Variants in MICU1 observed in about 807,000 individuals in gnomAD.
MICU1 encodes the protein mitochondrial calcium uptake 1, also known as calcium uptake protein 1, mitochondrial.
MICU1 carries 45 observed loss-of-function variants against 56.8 expected under a neutral mutation model. The observed-to-expected ratio is 0.79, with a 90% CI of 0.62 to 1.02. The LOEUF (loss-of-function observed/expected upper bound fraction) is 1.02. Among genes scored for constraint, MICU1 ranks in the 50% least tolerant of loss-of-function variants. The probability of loss-of-function intolerance (pLI) is 0.00; values close to 1 mark genes in which losing one functional copy is unlikely to be tolerated. For missense variants in MICU1, 504 were observed against 587.1 expected (o/e 0.86, Z 1.46); for synonymous variants, 186 against 195.1 (o/e 0.95, Z 0.39).
chr10:72,560,313 G>C (rs1840265080), intron 3 of MICU1: 1 of 152,144 alleles, frequency 6.6e-6, no homozygotes, highest in African/African-American at 2.4e-5. Context: ...GTCTACAGGA[G>C]GCATGAGGCA....
intron 9 of MICU1, among the ~76,000 whole-genome samples, chr10:72,410,454 T>C (rs750530468): frequency 2.6e-5 from 4 of 152,022 alleles, no homozygotes; most frequent in Admixed American, 6.6e-5. Flanking sequence ...CCATCTCTAC[T>C]AAAAATACAA....
intron 1 of MICU1, among the ~76,000 whole-genome samples, chr10:72,594,377 T>C (rs1018903485): frequency 6.6e-6 from 1 of 151,586 alleles, no homozygotes; most frequent in Non-Finnish European, 1.5e-5. Flanking sequence ...GAACCCTTAC[T>C]TAACACCACA....
At chr10:72,595,447 C>CAAAAAAAAAAAAAAAAAAAAAAAA (rs1255926638) in intron 1 of MICU1, among the ~76,000 whole-genome samples, 1 of 41,178 alleles carries the variant, frequency 2.4e-5, no homozygotes, top group Non-Finnish European at 5.1e-5. Flanking sequence ...GACTCTGTCT[C>CAAAAAAAAAAAAAAAAAAAAAAAA]AAAAAAAAAA....
chr10:72,509,169 C>T (rs1867358557), intron 5 of MICU1, among the ~76,000 whole-genome samples: 1 of 152,106 alleles, frequency 6.6e-6, no homozygotes, highest in African/African-American at 2.4e-5. Flanking sequence ...AGACTTGAAA[C>T]TAATTTCCAC....
chr10:72,617,628 T>G (rs1304444131), intron 1 of MICU1, among the ~76,000 whole-genome samples: 1 of 152,096 alleles, frequency 6.6e-6, no homozygotes, highest in African/African-American at 2.4e-5. Context: ...GGCCAGGAGT[T>G]TGAAACCAGC....
chr10:72,381,667 C>T (rs1382390934), intron 10 of MICU1, among the ~76,000 whole-genome samples: 5 of 152,110 alleles, frequency 3.3e-5, no homozygotes, highest in Admixed American at 2.0e-4. Context: ...GCTGCTAATC[C>T]TAGCTCCTAA....
At chr10:72,408,722 G>A (rs1863710004) in intron 9 of MICU1, among the ~76,000 whole-genome samples, 1 of 152,218 alleles carries the variant, frequency 6.6e-6, no homozygotes, top group African/African-American at 2.4e-5. Flanking sequence ...TAAAATCAGA[G>A]TCAGGACTTC....
At chr10:72,385,227 C>T (rs1009985910) in intron 10 of MICU1, among the ~76,000 whole-genome samples, 13 of 152,114 alleles carry the variant, frequency 8.5e-5, no homozygotes, top group Admixed American at 7.9e-4. Context: ...CAGTGGCTCA[C>T]GTCTATAAAT....
chr10:72,516,254 T>A (rs968383355), intron 5 of MICU1, among the ~76,000 whole-genome samples: 4 of 152,206 alleles, frequency 2.6e-5, no homozygotes, highest in South Asian at 2.1e-4. Flanking sequence ...AAGTGTCTGT[T>A]CATATCGTTC....
At chr10:72,610,635 T>C (rs190257930) in intron 1 of MICU1, among the ~76,000 whole-genome samples, 95 of 152,270 alleles carry the variant, frequency 6.2e-4, no homozygotes, top group Non-Finnish European at 4.6e-4. Context: ...TTGTGTGGCC[T>C]TCAGCAGAGG....
chr10:72,518,521 T>C (rs1176087538), intron 5 of MICU1, among the ~76,000 whole-genome samples: 3 of 152,102 alleles, frequency 2.0e-5, no homozygotes, highest in Non-Finnish European at 4.4e-5. Flanking sequence ...TTCAATTCTA[T>C]TGTAAGGGTA....
chr10:72,555,131 T>A (rs1840128679), intron 3 of MICU1, among the ~76,000 whole-genome samples: 1 of 152,184 alleles, frequency 6.6e-6, no homozygotes, highest in Admixed American at 6.5e-5. Context: ...AGTAAGAGTA[T>A]TTCAAAATGA....
chr10:72,613,036 G>GA (rs1485000932), intron 1 of MICU1, among the ~76,000 whole-genome samples: 2 of 151,548 alleles, frequency 1.3e-5, no homozygotes, highest in African/African-American at 4.8e-5. Context: ...CTCTTTTTCA[G>GA]AAAAAAAATT....
chr10:72,555,168 G>T lies in MICU1; in HGVS notation c.331-3827C>A, dbSNP rs904818528. Among the ~76,000 whole-genome samples, 8 of 152,288 alleles carry T rather than the reference G, an allele frequency of 5.3e-5. No individual in the cohort carries two copies. The East Asian group carries it at 1.5e-3, about 29-fold the overall frequency. The stretch of plus-strand genomic sequence containing the variant: ...GCAAAAAATTCCCCAGCAAGGGGAA[G>T]ATGAAGAAGAACATGAAGATCATTA... On this transcript the variant is annotated intron_variant, in intron 3 of 11. Transcript: ENST00000361114.
At chr10:72,466,709 A>G (rs1263871730) in intron 8 of MICU1, among the ~76,000 whole-genome samples, 2 of 152,194 alleles carry the variant, frequency 1.3e-5, no homozygotes, top group Non-Finnish European at 2.9e-5. Flanking sequence ...TCTAGTTCCA[A>G]CAAGTGTTGG....
intron 1 of MICU1, among the ~76,000 whole-genome samples, chr10:72,568,773 G>C (rs1220426783): frequency 1.0e-5 from 1 of 95,380 alleles, no homozygotes. Context: ...TTTTTTTTGA[G>C]ACTGAGTCTT....
intron 5 of MICU1, among the ~76,000 whole-genome samples, chr10:72,526,587 C>T (rs1463067457): frequency 1.3e-5 from 2 of 152,254 alleles, no homozygotes; most frequent in South Asian, 2.1e-4. Context: ...TGAGCCACTG[C>T]GCCCAGCCAG....
intron 1 of MICU1, among the ~76,000 whole-genome samples, chr10:72,583,346 T>C (rs1840957550): frequency 6.6e-6 from 1 of 151,690 alleles, no homozygotes; most frequent in East Asian, 1.9e-4. Context: ...AGTGGTGCCA[T>C]CTTACCTCAC....
chr10:72,427,570 A>C (rs1864384199), intron 8 of MICU1, among the ~76,000 whole-genome samples: 1 of 152,020 alleles, frequency 6.6e-6, no homozygotes, highest in African/African-American at 2.4e-5. Flanking sequence ...TCCATCCCCC[A>C]GAGTAAATCC....
Sources: gnomAD v4.1 joint callset for allele counts (sites outside exome capture counted in the v4.1 genomes callset) on GRCh38, gnomAD v4.1.1 for gene constraint, MANE v1.5 for transcripts, NCBI Gene and HGNC (gene_info 2026-07-23, HGNC 2026-07-21) for gene names.